Variants in NCAM1 observed in about 807,000 individuals in gnomAD.
The protein encoded by NCAM1 is antigen recognized by monoclonal antibody 5.1H11.
A neutral mutation model predicts 109.8 loss-of-function variants in NCAM1; 14 were observed. The observed-to-expected ratio is 0.13, with a 90% confidence interval of 0.08 to 0.20. The LOEUF is 0.20. NCAM1 is among the 10% of genes least tolerant of loss of function. NCAM1 has a pLI of 1.00. For synonymous variants in NCAM1, 418 were observed against 442.9 expected (o/e 0.94, Z 0.70); for missense variants, 774 against 1,109.9 (o/e 0.70, Z 4.30).
chr11:113,186,391 G>T (rs567828545), intron 1 of NCAM1, among the ~76,000 whole-genome samples: 14 of 152,154 alleles, frequency 9.2e-5, no homozygotes, highest in Admixed American at 7.9e-4. Context: ...ACCCTCTGCC[G>T]GTCCATGGAA....
At chr11:113,232,115 A>G (rs1369160078) in intron 10 of NCAM1, 55 bp from the exon 11 acceptor site, 17 of 1,490,160 alleles carry the variant, frequency 1.1e-5, no homozygotes, top group Non-Finnish European at 1.4e-5. Flanking sequence ...GAGACAGGAT[A>G]TGGGGGCTTC....
intron 1 of NCAM1, among the ~76,000 whole-genome samples, chr11:113,146,865 C>T (rs143750451): frequency 1.0e-4 from 15 of 150,380 alleles, no homozygotes; most frequent in African/African-American, 3.7e-4. Context: ...GTTCCTAATA[C>T]AGTGGGATAA....
At chr11:112,977,853 TA>T (rs1951047390) in intron 1 of NCAM1, among the ~76,000 whole-genome samples, 1 of 152,000 alleles carries the variant, frequency 6.6e-6, no homozygotes, top group African/African-American at 2.4e-5. Flanking sequence ...AAGCTTGCCT[TA>T]TTTGCATTGT....
intron 16 of NCAM1, among the ~76,000 whole-genome samples, chr11:113,258,895 G>A (rs1446794829): frequency 3.3e-5 from 5 of 152,186 alleles, no homozygotes; most frequent in Non-Finnish European, 5.9e-5. Flanking sequence ...GTGATTTTAC[G>A]TTAGTCACCT....
chr11:113,202,653 C>G (rs1944104005), intron 2 of NCAM1, among the ~76,000 whole-genome samples, 200 bp downstream of exon 2: 1 of 152,188 alleles, frequency 6.6e-6, no homozygotes, highest in Non-Finnish European at 1.5e-5. Flanking sequence ...CTCAACATAG[C>G]AAATCTGTCA....
intron 5 of NCAM1, among the ~76,000 whole-genome samples, chr11:113,206,782 T>C (rs1425839209): frequency 6.6e-6 from 1 of 152,240 alleles, no homozygotes; most frequent in Non-Finnish European, 1.5e-5. Flanking sequence ...TGTACAAGGT[T>C]GTTTATCACA....
At chr11:113,089,052 C>T (rs1291991220) in intron 1 of NCAM1, among the ~76,000 whole-genome samples, 3 of 152,120 alleles carry the variant, frequency 2.0e-5, no homozygotes, top group South Asian at 2.1e-4. Flanking sequence ...CGGTGGCTCA[C>T]GCCTGTAATC....
intron 1 of NCAM1, among the ~76,000 whole-genome samples, chr11:113,059,948 G>A (rs1398971681): frequency 6.6e-6 from 1 of 152,196 alleles, no homozygotes; most frequent in Non-Finnish European, 1.5e-5. Context: ...AGGAATGAGA[G>A]CCAGGACATA....
chr11:113,202,191 G>C (rs1181521603), intron 1 of NCAM1, among the ~76,000 whole-genome samples, 188 bp from the exon 2 acceptor site: 1 of 152,172 alleles, frequency 6.6e-6, no homozygotes, highest in Non-Finnish European at 1.5e-5. Context: ...GGCCCTGGCT[G>C]TTGGTGGCAC....
chr11:113,270,082 G>A (rs782813642), intron 17 of NCAM1, 106 bp from the exon 18 acceptor site: 192 of 1,060,044 alleles, frequency 1.8e-4, no homozygotes, highest in Non-Finnish European at 2.6e-4. Context: ...TGAATGCCAT[G>A]ACTCTGTCCT....
At chr11:113,221,000 G>A (rs1435792167) in intron 8 of NCAM1, among the ~76,000 whole-genome samples, 3 of 152,118 alleles carry the variant, frequency 2.0e-5, no homozygotes. Flanking sequence ...AGGTATTTTG[G>A]AACAAGAGCA....
intron 1 of NCAM1, among the ~76,000 whole-genome samples, chr11:113,177,123 G>A (rs1943178041): frequency 6.6e-6 from 1 of 152,204 alleles, no homozygotes; most frequent in Admixed American, 6.5e-5. Flanking sequence ...CCTGGGATGT[G>A]TTTTTTCTGG....
chr11:113,028,080 C>T lies in NCAM1; in HGVS notation c.52+66416C>T, dbSNP rs551907930. ...TGGGCAAGCTGGGAAAAGGTTGGTCCGCTTATATAGGAAGAATAGTTTTGG... is the reference window on the plus strand; with the variant it reads ...TGGGCAAGCTGGGAAAAGGTTGGTCTGCTTATATAGGAAGAATAGTTTTGG... On this transcript the variant is annotated intron_variant, in intron 1 of 19. Coordinates refer to ENST00000316851, the MANE Select transcript of NCAM1 (RefSeq NM_181351.5). 4.6e-5 allele frequency among the ~76,000 whole-genome samples: 7 copies of T among 152,054 alleles called. No individual in the cohort carries two copies. The East Asian group carries it at 9.7e-4, about 21-fold the overall frequency.
intron 1 of NCAM1, among the ~76,000 whole-genome samples, chr11:113,143,039 C>A (rs1941886396): frequency 6.6e-6 from 1 of 152,110 alleles, no homozygotes; most frequent in African/African-American, 2.4e-5. Context: ...AGAGTTGTAT[C>A]TGCTAAAAAT....
intron 1 of NCAM1, among the ~76,000 whole-genome samples, chr11:113,034,666 A>G (rs1591267883): frequency 1.3e-5 from 2 of 152,180 alleles, no homozygotes; most frequent in Admixed American, 6.5e-5. Context: ...AGGATCGTAC[A>G]GAAGATGAAG....
intron 1 of NCAM1, among the ~76,000 whole-genome samples, chr11:113,113,341 C>T (rs958630668): frequency 2.0e-5 from 3 of 152,148 alleles, no homozygotes; most frequent in Non-Finnish European, 4.4e-5. Context: ...GCGCCATAGA[C>T]TGGGCCAGAT....
At chr11:113,240,821 T>C (rs1483503093) in intron 14 of NCAM1, 2 of 1,613,464 alleles carry the variant, frequency 1.2e-6, no homozygotes, top group Non-Finnish European at 1.7e-6. Context: ...TGTTCCATTG[T>C]CTCCACCAGA....
intron 2 of NCAM1, among the ~76,000 whole-genome samples, chr11:113,203,986 T>A (rs575701505): frequency 2.0e-4 from 31 of 152,348 alleles, no homozygotes; most frequent in Non-Finnish European, 4.1e-4. Flanking sequence ...GCACACAGTA[T>A]GTTCTCAACA....
chr11:113,127,647 T>C (rs1037006876), intron 1 of NCAM1, among the ~76,000 whole-genome samples: 13 of 152,166 alleles, frequency 8.5e-5, no homozygotes, highest in African/African-American at 2.9e-4. Flanking sequence ...TATTAAGAGT[T>C]GCAAGGCATT....
Sources: allele counts gnomAD v4.1 joint callset (sites outside exome capture counted in the v4.1 genomes callset), GRCh38; gene constraint gnomAD v4.1.1; transcripts MANE v1.5; gene names NCBI Gene and HGNC (gene_info 2026-07-23, HGNC 2026-07-21).